UHRF2: variants seen among roughly 807,000 people sequenced by gnomAD.
UHRF2 encodes E3 ubiquitin-protein ligase UHRF2.
UHRF2 carries 23 observed loss-of-function variants against 96.8 expected under a neutral mutation model. The ratio of observed to expected loss-of-function variants is 0.24; its 90% CI spans 0.17 to 0.34. The LOEUF is 0.34. UHRF2 is among the 10% of genes least tolerant of loss of function. UHRF2 has a pLI of 1.00. For synonymous variants in UHRF2, 385 were observed against 332.6 expected, an observed-to-expected ratio of 1.16 and a Z score of -1.72; for missense variants, 685 against 981.5, an observed-to-expected ratio of 0.70 and a Z score of 4.04.
At chr9:6,427,209 A>AT (rs920565708) in intron 2 of UHRF2, among the ~76,000 whole-genome samples, 13 of 151,592 alleles carry the variant, frequency 8.6e-5, no homozygotes, top group Middle Eastern at 3.4e-3. Flanking sequence ...CTTGGTAAAT[A>AT]TTTTTTTTTA....
chr9:6,435,964 GTT>G (rs1439594721), intron 3 of UHRF2, among the ~76,000 whole-genome samples: 1 of 152,118 alleles, frequency 6.6e-6, no homozygotes, highest in Non-Finnish European at 1.5e-5. Context: ...TGTCTTGAGG[GTT>G]TAGATTCTGA....
At chr9:6,463,091 G>A (rs1822647502) in intron 4 of UHRF2, among the ~76,000 whole-genome samples, 1 of 152,110 alleles carries the variant, frequency 6.6e-6, no homozygotes, top group South Asian at 2.1e-4. Flanking sequence ...AGACCAGTCT[G>A]ACCAACTAGT....
At chr9:6,439,998 G>A (rs999484408) in intron 3 of UHRF2, among the ~76,000 whole-genome samples, 7 of 152,138 alleles carry the variant, frequency 4.6e-5, no homozygotes, top group Non-Finnish European at 7.3e-5. Context: ...TAGTAAGTGT[G>A]TACTGTTCAG....
chr9:6,476,041 C>G (rs1823551656), intron 5 of UHRF2, among the ~76,000 whole-genome samples: 2 of 152,184 alleles, frequency 1.3e-5, no homozygotes, highest in African/African-American at 4.8e-5. Flanking sequence ...GTCCCACTTC[C>G]CTTCCCAGAC....
At position 6,433,974 on chromosome 9, in the gene UHRF2, C is replaced by T. The variant is rs976532196; in HGVS notation, c.445C>T (p.His149Tyr). 6.2e-7 allele frequency: 1 copy of T among 1,614,060 alleles called. No homozygotes were observed. The highest frequency in any genetic ancestry group is 8.5e-7 in the Non-Finnish European group (1 of 1,180,018). Residue 149 changes from histidine (H) to tyrosine (Y), a missense_variant, in exon 3 of 16, where the codon CAT becomes TAT. Physicochemically the swap from His to Tyr is moderately conservative, Grantham distance 83 (BLOSUM62 2). This residue lies in a region of UHRF2 where 391 missense variants were observed against 437.0 expected (regional missense o/e 0.89). Coordinates refer to ENST00000276893, the MANE Select transcript of UHRF2 (RefSeq NM_152896.3). ...TGGTGCTTGGTTTGAAGCACACATA[C>T]ATAGTGTTACTAGAGCTTCTGATGG... ...GLGAWFEAHI[H>Y]SVTRASDGQS... is the part of the protein sequence containing the mutation.
At chr9:6,484,195 C>CTAAAGATG (rs1824105829) in intron 8 of UHRF2, among the ~76,000 whole-genome samples, 1 of 151,602 alleles carries the variant, frequency 6.6e-6, no homozygotes, top group Non-Finnish European at 1.5e-5. Context: ...CTAGCTAGGA[C>CTAAAGATG]TAAAGATGTA....
intron 3 of UHRF2, among the ~76,000 whole-genome samples, chr9:6,456,567 T>C (rs184578506): frequency 6.6e-6 from 1 of 152,372 alleles, no homozygotes; most frequent in East Asian, 1.9e-4. Context: ...TTGGCTTCTG[T>C]TGCCGTTGCT....
At chr9:6,432,230 G>A (rs1215820273) in intron 2 of UHRF2, among the ~76,000 whole-genome samples, 2 of 152,188 alleles carry the variant, frequency 1.3e-5, no homozygotes, top group South Asian at 2.1e-4. Flanking sequence ...TAAACTTTAT[G>A]TCTTTCAAGC....
At chr9:6,456,192 A>C (rs917788065) in intron 3 of UHRF2, among the ~76,000 whole-genome samples, 6 of 151,922 alleles carry the variant, frequency 3.9e-5, no homozygotes, top group Non-Finnish European at 1.5e-5. Flanking sequence ...TAAAAACTAG[A>C]ATCTGTTTTT....
chr9:6,417,760 T>C (rs1419735557), intron 1 of UHRF2, among the ~76,000 whole-genome samples: 3 of 152,218 alleles, frequency 2.0e-5, no homozygotes, highest in African/African-American at 7.2e-5. Context: ...CATGCCGTGA[T>C]ATGCTTAGAC....
chr9:6,451,588 C>T (rs1821869832), intron 3 of UHRF2, among the ~76,000 whole-genome samples: 1 of 151,892 alleles, frequency 6.6e-6, no homozygotes, highest in Non-Finnish European at 1.5e-5. Context: ...CACCATTCTC[C>T]TGCCTCAGCC....
At chr9:6,458,588 A>T (rs1822324694) in intron 3 of UHRF2, among the ~76,000 whole-genome samples, 1 of 151,674 alleles carries the variant, frequency 6.6e-6, no homozygotes, top group Non-Finnish European at 1.5e-5. Flanking sequence ...GGTGGAGAGG[A>T]TGTGAAGAAA....
At chr9:6,448,103 A>T (rs201002536) in intron 3 of UHRF2, among the ~76,000 whole-genome samples, 7 of 152,210 alleles carry the variant, frequency 4.6e-5, no homozygotes, top group Middle Eastern at 3.2e-3. Context: ...CAAAGCCTAC[A>T]ATCTGGACAA....
In UHRF2 at chr9:6,434,039, T is replaced by C; in HGVS notation, c.510T>C (p.Ser170=). Residue 170 remains serine (S), a synonymous_variant, in exon 3 of 16, where the codon TCT becomes TCC. Transcript: ENST00000276893. ...AAACTCCACTGAAGAATGGCAGTTC[T>C]TGTAAAAGGACTAATGGAAATATAA... ...RGKTPLKNGS[S]CKRTNGNIKH... is the part of the protein sequence containing the mutation. 1 of 1,614,172 alleles carries C rather than the reference T, an allele frequency of 6.2e-7. No homozygotes were observed.
At chr9:6,416,776 C>T (rs773085782) in intron 1 of UHRF2, among the ~76,000 whole-genome samples, 4 of 152,010 alleles carry the variant, frequency 2.6e-5, no homozygotes, top group Non-Finnish European at 5.9e-5. Flanking sequence ...ATCCGCCCGC[C>T]TCGGCCTCCC....
intron 3 of UHRF2, among the ~76,000 whole-genome samples, chr9:6,444,539 C>G (rs1303588192): frequency 6.6e-6 from 1 of 152,206 alleles, no homozygotes; most frequent in African/African-American, 2.4e-5. Flanking sequence ...GAAACAGATT[C>G]CTGAGGGGAC....
At chr9:6,500,454 T>A in intron 13 of UHRF2, 98 bp from the exon 14 acceptor site, 1 of 1,050,724 alleles carries the variant, frequency 9.5e-7, no homozygotes, top group Non-Finnish European at 1.3e-6. Flanking sequence ...TTGGTTATCT[T>A]TCTGCTAAAC....
intron 4 of UHRF2, among the ~76,000 whole-genome samples, chr9:6,473,082 A>G (rs1469170483): frequency 6.6e-6 from 1 of 152,178 alleles, no homozygotes; most frequent in Non-Finnish European, 1.5e-5. Flanking sequence ...TTCCCACTGA[A>G]AGAAACTCCT....
chr9:6,477,295 C>T (rs940809897), intron 5 of UHRF2, among the ~76,000 whole-genome samples: 14 of 151,194 alleles, frequency 9.3e-5, no homozygotes, highest in Admixed American at 4.0e-4. Context: ...GAGGTTGAGG[C>T]GGGCAGATCA....
Sources: allele counts gnomAD v4.1 joint callset (sites outside exome capture counted in the v4.1 genomes callset), GRCh38; gene constraint gnomAD v4.1.1; regional missense constraint gnomAD v4.1.1; transcripts MANE v1.5; gene names NCBI Gene and HGNC (gene_info 2026-07-23, HGNC 2026-07-21).